Variants in HUWE1 observed in about 807,000 individuals in gnomAD.
HUWE1 encodes E3 ubiquitin-protein ligase HUWE1.
HUWE1 carries 18 observed loss-of-function variants against 299.4 expected under a neutral mutation model. The ratio of observed to expected loss-of-function variants is 0.06; its 90% CI spans 0.04 to 0.09. The LOEUF is 0.09. Among genes scored for constraint, HUWE1 ranks in the 10% least tolerant of loss-of-function variants. The pLI is 1.00. For synonymous variants in HUWE1, 1,317 were observed against 1,286.1 expected (o/e 1.02, Z -0.51); for missense variants, 1,832 against 3,462.3 (o/e 0.53, Z 11.82).
intron 80 of HUWE1, 31 bp from the exon 81 acceptor site, chrX:53,535,532 T>C (rs1337668170): frequency 1.1e-6 from 1 of 936,519 alleles, no homozygotes; most frequent in Non-Finnish European, 1.5e-6. Flanking sequence ...ATCATACATA[T>C]CAGACTTCAT....
Position 53,549,384 on chromosome X carries a change from G to A in HUWE1, c.9610C>T (p.Arg3204Cys). 1 of 1,211,031 alleles carries A rather than the reference G, an allele frequency of 8.3e-7. No individual in the cohort carries two copies. Among genetic ancestry groups the A allele is most frequent in the Non-Finnish European group, 1.1e-6 (1 of 895,050 alleles). Residue 3204 changes from arginine to cysteine, a missense_variant, in exon 67 of 84, where the codon CGT becomes TGT. This residue lies in a region of HUWE1 where 91 missense variants were observed against 281.2 expected (regional missense o/e 0.32). Transcript: ENST00000262854. ...AGATTTCTCAGTACTCGGTGTAGAC[G>A]GCTAGTATTGAGCTTTGGCTCATCC... The part of the protein sequence containing the change: ...FVDEPKLNTS[R>C]LHRVLRNLCY...
chrX:53,646,129 C>G (rs1429375655), intron 6 of HUWE1, among the ~76,000 whole-genome samples: 1 of 110,652 alleles, frequency 9.0e-6, no homozygotes, highest in Non-Finnish European at 1.9e-5. Flanking sequence ...AGTATATGCT[C>G]ATAAGGAACC....
At chrX:53,647,294 A>C (rs2068119435) in intron 6 of HUWE1, 74 bp downstream of exon 6, 7 of 720,889 alleles carry the variant, frequency 9.7e-6, no homozygotes, top group Non-Finnish European at 1.5e-5. Context: ...AGCAATAGAA[A>C]TAGCAATTTC....
chrX:53,566,321 G>A (rs2062571169), intron 49 of HUWE1, among the ~76,000 whole-genome samples: 1 of 106,783 alleles, frequency 9.4e-6, no homozygotes, highest in South Asian at 4.2e-4. Context: ...AAATTAATGG[G>A]ACAGCTGGGC....
chrX:53,682,888 T>A, intron 2 of HUWE1, among the ~76,000 whole-genome samples: 1 of 111,503 alleles, frequency 9.0e-6, no homozygotes, highest in Non-Finnish European at 1.9e-5. Flanking sequence ...GCAAGGCTAA[T>A]GGCCGTAAAC....
intron 23 of HUWE1, among the ~76,000 whole-genome samples, chrX:53,613,280 C>A (rs892629065): frequency 1.8e-5 from 2 of 111,427 alleles, no homozygotes; most frequent in Non-Finnish European, 3.8e-5. Flanking sequence ...CACTTGACAC[C>A]CACAGGCTCA....
chrX:53,622,452 A>G (rs1195679398), intron 19 of HUWE1, among the ~76,000 whole-genome samples: 3 of 111,836 alleles, frequency 2.7e-5, no homozygotes, highest in Non-Finnish European at 5.6e-5. Flanking sequence ...CTTGCCACAA[A>G]AAGGAGCACT....
At chrX:53,657,942 G>A (rs1164332797) in intron 3 of HUWE1, among the ~76,000 whole-genome samples, 4 of 105,821 alleles carry the variant, frequency 3.8e-5, no homozygotes, top group Non-Finnish European at 5.8e-5. Context: ...CCAACTACTC[G>A]GGAGGCTGAG....
chrX:53,593,328 G>A, intron 32 of HUWE1, 36 bp downstream of exon 32: 1 of 992,810 alleles, frequency 1.0e-6, no homozygotes, highest in Non-Finnish European at 1.4e-6. Flanking sequence ...CTTAGCATGA[G>A]AAATTCCTTT....
rs148824856 is a variant in HUWE1 at position 53,685,509 on chromosome X, C to G, written c.-163+761G>C. Among the ~76,000 whole-genome samples, 1,076 of 112,134 alleles carry G rather than the reference C, an allele frequency of 9.6e-3. 16 individuals are homozygous for G. Among genetic ancestry groups the G allele is most frequent in the African/African-American group, 0.033 (1,008 of 30,828 alleles). ...TATTAAAATTTCAAAATGCTTATTG[C>G]TTATAGATAGGAAAACTGCCTATAT... On this transcript the variant is annotated intron_variant, in intron 2 of 83. Coordinates refer to ENST00000262854, the MANE Select transcript of HUWE1 (RefSeq NM_031407.7).
chrX:53,556,192 C>T (rs975857338), intron 60 of HUWE1: 2 of 343,016 alleles, frequency 5.8e-6, no homozygotes, highest in Admixed American at 6.2e-5. Context: ...ACAACTTTGT[C>T]TGATGGAGGC....
At chrX:53,541,795 G>GT (rs1274640904) in intron 74 of HUWE1, among the ~76,000 whole-genome samples, 5 of 112,090 alleles carry the variant, frequency 4.5e-5, no homozygotes, top group Admixed American at 9.4e-5. Context: ...GAGCTCAGAA[G>GT]TTTGAGGTTG....
At chrX:53,537,444 C>A in intron 78 of HUWE1, 112 bp downstream of exon 78, 1 of 789,051 alleles carries the variant, frequency 1.3e-6, no homozygotes, top group Non-Finnish European at 1.9e-6. Context: ...ATGGGGAATT[C>A]CTATTAGGGA....
chrX:53,581,521 G>A (rs1183866236), intron 42 of HUWE1, among the ~76,000 whole-genome samples: 8 of 112,352 alleles, frequency 7.1e-5, no homozygotes, highest in Non-Finnish European at 1.5e-4. Context: ...ATATAGCTAT[G>A]CTTCTGCTCT....
At chrX:53,644,253 C>T (rs1557033726) in intron 7 of HUWE1, among the ~76,000 whole-genome samples, 6 of 112,347 alleles carry the variant, frequency 5.3e-5, no homozygotes, top group Non-Finnish European at 1.9e-5. Flanking sequence ...AATGGAAATG[C>T]CTCAGCTCCC....
chrX:53,582,365 C>A (rs2063663573), intron 42 of HUWE1, among the ~76,000 whole-genome samples: 1 of 112,418 alleles, frequency 8.9e-6, no homozygotes, highest in Non-Finnish European at 1.9e-5. Context: ...CCTTTAACAG[C>A]TCTCTTTCTC....
intron 75 of HUWE1, 78 bp downstream of exon 75, chrX:53,539,579 G>A (rs999303143): frequency 7.8e-6 from 8 of 1,031,633 alleles, no homozygotes; most frequent in Non-Finnish European, 1.1e-5. Flanking sequence ...TAACCTGGAA[G>A]GAAGAAAAAC....
At chrX:53,675,513 T>G (rs782070811) in intron 3 of HUWE1, among the ~76,000 whole-genome samples, 6 of 111,193 alleles carry the variant, frequency 5.4e-5, no homozygotes, top group Admixed American at 3.8e-4. Context: ...TAAGGAACTT[T>G]AAACATGATT....
chrX:53,538,150 TGGA>T (rs1282478942), intron 77 of HUWE1, among the ~76,000 whole-genome samples, 184 bp downstream of exon 77: 1 of 110,978 alleles, frequency 9.0e-6, no homozygotes, highest in Non-Finnish European at 1.9e-5. Context: ...GCAGATGGGG[TGGA>T]GAAGCCCAGG....
Sources: gnomAD v4.1 joint callset for allele counts (sites outside exome capture counted in the v4.1 genomes callset) on GRCh38, gnomAD v4.1.1 for gene constraint, gnomAD v4.1.1 regional missense constraint, MANE v1.5 for transcripts, NCBI Gene and HGNC (gene_info 2026-07-23, HGNC 2026-07-21) for gene names.